The following CAMK2D variants were observed in gnomAD, a reference collection of about 807,000 sequenced individuals.
CAMK2D encodes the protein calcium/calmodulin-dependent protein kinase type II subunit delta.
A neutral mutation model predicts 84.0 loss-of-function variants in CAMK2D; 37 were observed. The ratio of observed to expected loss-of-function variants is 0.44; its 90% CI spans 0.34 to 0.58. The LOEUF (loss-of-function observed/expected upper bound fraction) is 0.58, where lower values mean the gene tolerates loss of function less well. Ranked by LOEUF, CAMK2D falls within the 20% of genes least tolerant of loss-of-function variation. The pLI is 0.02. For missense variants in CAMK2D, 448 were observed against 652.5 expected (o/e 0.69, Z 3.41); for synonymous variants, 202 against 212.5 (o/e 0.95, Z 0.43).
At chr4:113,630,153 G>T (rs1263534672) in intron 3 of CAMK2D, among the ~76,000 whole-genome samples, 1 of 152,134 alleles carries the variant, frequency 6.6e-6, no homozygotes, top group Non-Finnish European at 1.5e-5. Flanking sequence ...TCAATGAAGA[G>T]AACTGTTTAT....
chr4:113,692,450 T>C (rs2099389618), intron 2 of CAMK2D, among the ~76,000 whole-genome samples: 1 of 152,106 alleles, frequency 6.6e-6, no homozygotes, highest in Non-Finnish European at 1.5e-5. Flanking sequence ...TATTTGGGAA[T>C]AGGGAATATA....
At chr4:113,520,853 C>A (rs1382709536) in intron 8 of CAMK2D, among the ~76,000 whole-genome samples, 1 of 151,962 alleles carries the variant, frequency 6.6e-6, no homozygotes, top group East Asian at 1.9e-4. Context: ...CATAGCAAGA[C>A]CCTGTCTCTT....
At chr4:113,498,166 T>A (rs1490009770) in intron 16 of CAMK2D, among the ~76,000 whole-genome samples, 1 of 152,206 alleles carries the variant, frequency 6.6e-6, no homozygotes, top group East Asian at 1.9e-4. Context: ...GCCACAGCAA[T>A]TCTAAAGTAA....
intron 4 of CAMK2D, among the ~76,000 whole-genome samples, chr4:113,600,672 C>T (rs2098947979): frequency 6.6e-6 from 1 of 152,134 alleles, no homozygotes; most frequent in African/African-American, 2.4e-5. Flanking sequence ...GGGTCTCGCT[C>T]TGTCAACTAG....
At chr4:113,593,905 C>T (rs2098908123) in intron 4 of CAMK2D, among the ~76,000 whole-genome samples, 1 of 151,558 alleles carries the variant, frequency 6.6e-6, no homozygotes, top group South Asian at 2.1e-4. Context: ...GGCTTATTTA[C>T]CAGAGTTGTG....
chr4:113,532,926 C>T (rs1217655117), intron 7 of CAMK2D, among the ~76,000 whole-genome samples: 1 of 151,646 alleles, frequency 6.6e-6, no homozygotes, highest in African/African-American at 2.4e-5. Flanking sequence ...TTAGAGCTCT[C>T]CTTAGTTACC....
At position 113,514,274 on chromosome 4, in the gene CAMK2D, G is replaced by A. The variant is rs1056402208; in HGVS notation, c.820-361C>T. Among the ~76,000 whole-genome samples the A allele has an allele frequency of 3.9e-5, 6 of 152,122 alleles. No individual in the cohort carries two copies. In the East Asian group the frequency reaches 5.8e-4, roughly 15 times the overall value. The stretch of plus-strand genomic sequence containing the variant: ...CTAAAAATACAAAAATTAGCCGGGC[G>A]TGGTGGTGGGCACCTGTAATCCCAG... On this transcript the variant is annotated intron_variant, in intron 10 of 20. Transcript: ENST00000511664.
chr4:113,761,647 G>C lies in CAMK2D; in HGVS notation c.-579C>G. On this transcript the variant is annotated 5_prime_UTR_variant, in exon 1 of 21. Transcript: ENST00000511664. ...CGCCCGAGGCCGGCTTCCCTCCGGC[G>C]GGCGGCAGCGGCTCCGGCGAAGCGA... 1.0e-6 allele frequency: 1 copy of C among 985,088 alleles called. No individual in the cohort carries two copies. Among genetic ancestry groups the C allele is most frequent in the Non-Finnish European group, 1.2e-6 (1 of 829,796 alleles). 61.0% of individuals were successfully genotyped at this position (985,088 alleles called of 1,614,324 possible).
At chr4:113,699,137 T>C (rs1210734629) in intron 2 of CAMK2D, among the ~76,000 whole-genome samples, 1 of 152,104 alleles carries the variant, frequency 6.6e-6, no homozygotes, top group African/African-American at 2.4e-5. Context: ...TAAAAGGGAT[T>C]GACTGAGGAG....
chr4:113,735,450 G>T (rs960089470), intron 2 of CAMK2D, among the ~76,000 whole-genome samples: 1 of 143,270 alleles, frequency 7.0e-6, no homozygotes, highest in African/African-American at 2.9e-5. Flanking sequence ...ACTACAACCT[G>T]AGTGACAGAG....
At chr4:113,715,390 T>G (rs757237) in intron 2 of CAMK2D, among the ~76,000 whole-genome samples, 109,264 of 151,866 alleles carry the variant, frequency 0.72, 40,286 homozygotes, top group African/African-American at 0.88. Context: ...TTTTTGGTAG[T>G]TACTATTAAG....
At chr4:113,628,901 C>T (rs1181632638) in intron 3 of CAMK2D, among the ~76,000 whole-genome samples, 1 of 152,000 alleles carries the variant, frequency 6.6e-6, no homozygotes. Flanking sequence ...AGCTGCTGTA[C>T]CTGGTCCTCT....
intron 13 of CAMK2D, among the ~76,000 whole-genome samples, chr4:113,505,408 A>ATATT (rs1211581216): frequency 3.9e-5 from 6 of 152,186 alleles, no homozygotes; most frequent in African/African-American, 1.4e-4. Context: ...AGTTATAAAT[A>ATATT]TATTTCTTTC....
At chr4:113,554,474 G>A (rs2098650794) in intron 4 of CAMK2D, among the ~76,000 whole-genome samples, 1 of 152,086 alleles carries the variant, frequency 6.6e-6, no homozygotes, top group African/African-American at 2.4e-5. Flanking sequence ...GGGGTGTAGA[G>A]TTTCATGTTG....
intron 4 of CAMK2D, among the ~76,000 whole-genome samples, chr4:113,604,211 T>C (rs553508471): frequency 1.1e-3 from 163 of 152,282 alleles, no homozygotes; most frequent in Non-Finnish European, 1.7e-3. Flanking sequence ...ATTGGGTAAG[T>C]GGCTCTAATT....
chr4:113,484,270 C>A (rs2097739533), intron 16 of CAMK2D, among the ~76,000 whole-genome samples: 1 of 152,098 alleles, frequency 6.6e-6, no homozygotes, highest in Non-Finnish European at 1.5e-5. Context: ...AATTTATAGT[C>A]CTTTTTCCAC....
At chr4:113,711,997 AG>A (rs2099494446) in intron 2 of CAMK2D, among the ~76,000 whole-genome samples, 1 of 152,150 alleles carries the variant, frequency 6.6e-6, no homozygotes, top group African/African-American at 2.4e-5. Context: ...GGTCTGGTGA[AG>A]GCCCTTGTCT....
chr4:113,527,333 G>T (rs2098425711), intron 8 of CAMK2D, among the ~76,000 whole-genome samples: 1 of 151,708 alleles, frequency 6.6e-6, no homozygotes, highest in Non-Finnish European at 1.5e-5. Context: ...CAAACTCTTG[G>T]ACTCAAGATC....
rs113296507 is a variant in CAMK2D, at chr4:113,666,883, A to C, written c.161-5111T>G. Reference sequence around the variant, plus strand: ...CTGAGCTGCTGTGTTCCCTATTCTTATCTCTTTAGTCCTGACCTTTCCTGG... The same window carrying C: ...CTGAGCTGCTGTGTTCCCTATTCTTCTCTCTTTAGTCCTGACCTTTCCTGG... On this transcript the variant is annotated intron_variant, in intron 2 of 20. Coordinates refer to ENST00000511664, the MANE Select transcript of CAMK2D (RefSeq NM_001321571.2). 8.2e-3 allele frequency among the ~76,000 whole-genome samples: 1,248 copies of C among 152,162 alleles called. 18 individuals are homozygous for C. The highest frequency in any genetic ancestry group is 0.028 in the African/African-American group (1,182 of 41,510).
Sources: allele counts gnomAD v4.1 joint callset (sites outside exome capture counted in the v4.1 genomes callset), GRCh38; gene constraint gnomAD v4.1.1; transcripts MANE v1.5; gene names NCBI Gene and HGNC (gene_info 2026-07-23, HGNC 2026-07-21).